The following SEMA6A variants were observed in gnomAD, a reference collection of about 807,000 sequenced individuals.
SEMA6A encodes semaphorin 6A, also known as semaphorin-6A.
Under a neutral mutation model 96.8 loss-of-function variants are expected in SEMA6A, and 25 were observed. The ratio of observed to expected loss-of-function variants is 0.26; its 90% confidence interval spans 0.19 to 0.36. The LOEUF is 0.36. SEMA6A is among the 10% of genes least tolerant of loss of function. The probability of loss-of-function intolerance (pLI) is 1.00; values close to 1 mark genes in which losing one functional copy is unlikely to be tolerated. For synonymous variants in SEMA6A, 612 were observed against 518.0 expected, an observed-to-expected ratio of 1.18 and a Z score of -2.46; for missense variants, 1,363 against 1,323.1, an observed-to-expected ratio of 1.03 and a Z score of -0.47.
intron 1 of SEMA6A, among the ~76,000 whole-genome samples, chr5:116,515,701 G>C (rs900429682): frequency 6.6e-6 from 1 of 152,160 alleles, no homozygotes; most frequent in Non-Finnish European, 1.5e-5. Context: ...TCTCAGTATA[G>C]TTAATAGAAA....
chr5:116,500,691 C>G (rs1365071705), intron 3 of SEMA6A, among the ~76,000 whole-genome samples: 1 of 151,930 alleles, frequency 6.6e-6, no homozygotes, highest in Admixed American at 6.6e-5. Context: ...TTGTTCTTTC[C>G]TTATGCCAGA....
At chr5:116,504,807 C>T (rs369285654) in intron 2 of SEMA6A, 38 bp downstream of exon 2, 3 of 1,473,382 alleles carry the variant, frequency 2.0e-6, no homozygotes, top group African/African-American at 2.8e-5. Flanking sequence ...CTAAAATGTT[C>T]TCAAAGGGAG....
In SEMA6A at chr5:116,523,042, T is replaced by G. The variant is rs187903575; in HGVS notation, c.-38-18060A>C. Among the ~76,000 whole-genome samples the G allele has an allele frequency of 4.4e-3, 667 of 152,294 alleles. 2 individuals are homozygous for G. The highest frequency in any genetic ancestry group is 7.6e-3 in the Admixed American group (117 of 15,296). Reference sequence around the variant, plus strand: ...TGGAGAGGTGCCCACTGTGCAAGGATGTGGTCAATGAGTTTCCTCCATCCC... The same window carrying G: ...TGGAGAGGTGCCCACTGTGCAAGGAGGTGGTCAATGAGTTTCCTCCATCCC... On this transcript the variant is annotated intron_variant, in intron 1 of 18. Coordinates refer to ENST00000343348, the MANE Select transcript of SEMA6A (RefSeq NM_020796.5).
At chr5:116,520,914 C>G (rs1292366766) in intron 1 of SEMA6A, among the ~76,000 whole-genome samples, 1 of 152,152 alleles carries the variant, frequency 6.6e-6, no homozygotes, top group Non-Finnish European at 1.5e-5. Context: ...CAGAAGGATC[C>G]TGCTGTGGAC....
intron 1 of SEMA6A, among the ~76,000 whole-genome samples, chr5:116,546,501 A>C (rs1760192162): frequency 6.6e-6 from 1 of 152,198 alleles, no homozygotes; most frequent in African/African-American, 2.4e-5. Context: ...TGTGTATGCC[A>C]ATCACCTGAA....
chr5:116,508,908 G>T (rs140360929), intron 1 of SEMA6A, among the ~76,000 whole-genome samples: 1 of 152,216 alleles, frequency 6.6e-6, no homozygotes, highest in Non-Finnish European at 1.5e-5. Context: ...ACGTTGCTGC[G>T]TGAGGTATTC....
intron 1 of SEMA6A, among the ~76,000 whole-genome samples, chr5:116,560,305 A>G (rs1469697342): frequency 6.6e-6 from 1 of 152,214 alleles, no homozygotes; most frequent in Admixed American, 6.5e-5. Flanking sequence ...GACTTTTCAC[A>G]TCTCTACCTT....
Position 116,444,373 on chromosome 5 carries a change from C to A in SEMA6A, c.*2240G>T, listed in dbSNP as rs1754059936. 6.6e-6 allele frequency: 1 copy of A among 152,164 alleles called. No individual in the cohort carries two copies. The highest frequency in any genetic ancestry group is 1.5e-5 in the Non-Finnish European group (1 of 68,038). 9.4% of individuals were successfully genotyped at this position (152,164 alleles called of 1,614,324 possible). ...GGCAACCACACTGATTATGGAGGCT[C>A]CACTTTTTCACTATCCAACTCAAAA... is the stretch of plus-strand genomic sequence containing the variant. On this transcript the variant is annotated 3_prime_UTR_variant, in exon 19 of 19. Coordinates refer to ENST00000343348, the MANE Select transcript of SEMA6A (RefSeq NM_020796.5).
intron 17 of SEMA6A, chr5:116,468,053 T>C: frequency 3.0e-6 from 1 of 337,886 alleles, no homozygotes; most frequent in South Asian, 4.7e-5. Flanking sequence ...TAAAGATACC[T>C]CTCGGTGTTG....
chr5:116,476,048 C>G (rs905003861), intron 15 of SEMA6A, among the ~76,000 whole-genome samples: 11 of 152,156 alleles, frequency 7.2e-5, no homozygotes, highest in African/African-American at 2.7e-4. Flanking sequence ...AGACATTTAT[C>G]TAGCCAAAAA....
At chr5:116,508,390 A>G (rs1758246721) in intron 1 of SEMA6A, 1 of 152,210 alleles carries the variant, frequency 6.6e-6, no homozygotes, top group Non-Finnish European at 1.5e-5. Flanking sequence ...TTACAAAGTC[A>G]GAGAATGAGT....
intron 9 of SEMA6A, among the ~76,000 whole-genome samples, chr5:116,487,675 C>T (rs1757128486): frequency 6.6e-6 from 1 of 151,994 alleles, no homozygotes. Flanking sequence ...GACCACCCTG[C>T]CAACATGGCG....
intron 1 of SEMA6A, among the ~76,000 whole-genome samples, chr5:116,528,033 T>C (rs941528451): frequency 6.6e-6 from 1 of 152,206 alleles, no homozygotes; most frequent in African/African-American, 2.4e-5. Context: ...TACAATTTCC[T>C]GTAGGTCATA....
intron 1 of SEMA6A, among the ~76,000 whole-genome samples, chr5:116,542,638 G>C (rs372653225): frequency 6.6e-6 from 1 of 152,188 alleles, no homozygotes; most frequent in Non-Finnish European, 1.5e-5. Context: ...GATTCTAAGA[G>C]AATCTGGATT....
intron 15 of SEMA6A, among the ~76,000 whole-genome samples, chr5:116,475,961 A>G (rs765488624): frequency 6.6e-6 from 1 of 152,236 alleles, no homozygotes; most frequent in Non-Finnish European, 1.5e-5. Flanking sequence ...AAGTCTATAA[A>G]TTAAAAAGAA....
In SEMA6A at chr5:116,478,120, T is replaced by C; in HGVS notation, c.1462A>G (p.Met488Val). ...SYDGVEDKRI[M>V]GMQLDRASSS... Reference sequence around the variant, plus strand: ...CTTGCTCTGTCCAGCTGCATGCCCATGATCCTTTTGTCTTCGACTCCATCA... The same window carrying C: ...CTTGCTCTGTCCAGCTGCATGCCCACGATCCTTTTGTCTTCGACTCCATCA... Residue 488 changes from methionine to valine, a missense_variant, in exon 14 of 19, where the codon ATG (methionine) becomes GTG (valine). By Grantham distance (21) the Met-to-Val change is conservative (BLOSUM62 1). Around this residue, in one of 2 missense-constraint regions of SEMA6A, gnomAD observed 883 missense variants for 763.6 expected, o/e 1.16. Transcript: ENST00000343348. The C allele has an allele frequency of 1.2e-6, 2 of 1,613,958 alleles. No individual in the cohort carries two copies. Among genetic ancestry groups the C allele is most frequent in the Non-Finnish European group, 1.7e-6 (2 of 1,179,860 alleles).
At chr5:116,538,169 A>G (rs1310435633) in intron 1 of SEMA6A, among the ~76,000 whole-genome samples, 1 of 151,838 alleles carries the variant, frequency 6.6e-6, no homozygotes, top group East Asian at 1.9e-4. Context: ...GCAAGACTCC[A>G]TCTCAAAAAC....
chr5:116,474,691 C>G (rs1756364128), intron 16 of SEMA6A, among the ~76,000 whole-genome samples: 1 of 152,122 alleles, frequency 6.6e-6, no homozygotes, highest in Admixed American at 6.6e-5. Flanking sequence ...TCCGTGACTT[C>G]CGTTATAGAA....
chr5:116,571,133 A>G (rs1386541328), intron 1 of SEMA6A, among the ~76,000 whole-genome samples: 2 of 152,190 alleles, frequency 1.3e-5, no homozygotes, highest in African/African-American at 2.4e-5. Context: ...ACTGTAGGGA[A>G]AATAAAGAAG....
Sources: gnomAD v4.1 joint callset for allele counts (sites outside exome capture counted in the v4.1 genomes callset) on GRCh38, gnomAD v4.1.1 for gene constraint, gnomAD v4.1.1 regional missense constraint, MANE v1.5 for transcripts, NCBI Gene and HGNC (gene_info 2026-07-23, HGNC 2026-07-21) for gene names.